The following C12orf42 variants were observed in gnomAD, a reference collection of about 807,000 sequenced individuals.
C12orf42 encodes the protein uncharacterized protein C12orf42.
A neutral mutation model predicts 21.6 loss-of-function variants in C12orf42; 25 were observed. That is an observed-to-expected ratio of 1.16 (90% confidence interval 0.84 to 1.62). The LOEUF is 1.62. Ranked by LOEUF, C12orf42 falls within the 40% of genes most tolerant of loss-of-function variation. The probability of loss-of-function intolerance (pLI) is 0.00; values close to 1 mark genes in which losing one functional copy is unlikely to be tolerated. For synonymous variants in C12orf42, 174 were observed against 175.0 expected (o/e 0.99, Z 0.05); for missense variants, 483 against 459.3 (o/e 1.05, Z -0.47).
chr12:103,093,100 C>T, the C12orf42 span, among the ~76,000 whole-genome samples: 1 of 152,156 alleles, frequency 6.6e-6, no homozygotes, highest in Admixed American at 6.5e-5. Context: ...CCCATGATTC[C>T]TACTATTTCC....
At chr12:103,055,629 T>C in the C12orf42 span, among the ~76,000 whole-genome samples, 2 of 152,030 alleles carry the variant, frequency 1.3e-5, no homozygotes, top group Non-Finnish European at 2.9e-5. Flanking sequence ...CTATAGATTC[T>C]TTAGGATGAC....
intron 2 of C12orf42, among the ~76,000 whole-genome samples, chr12:103,441,277 T>C (rs892397170): frequency 2.0e-5 from 3 of 152,186 alleles, no homozygotes; most frequent in African/African-American, 7.2e-5. Flanking sequence ...ATCTCATGAT[T>C]TAATGCCACT....
intron 3 of C12orf42, among the ~76,000 whole-genome samples, chr12:103,395,276 G>A (rs2047422089): frequency 6.6e-6 from 1 of 151,628 alleles, no homozygotes; most frequent in Admixed American, 6.6e-5. Flanking sequence ...CAAGAAGTTG[G>A]CCACAATATT....
intron 3 of C12orf42, among the ~76,000 whole-genome samples, chr12:103,394,748 T>C (rs2047373474): frequency 6.6e-6 from 1 of 151,880 alleles, no homozygotes; most frequent in African/African-American, 2.4e-5. Flanking sequence ...ACAGATGGGG[T>C]CGCTTTCCAT....
At chr12:103,359,969 T>C (rs2043938356) in intron 4 of C12orf42, among the ~76,000 whole-genome samples, 1 of 151,608 alleles carries the variant, frequency 6.6e-6, no homozygotes, top group Non-Finnish European at 1.5e-5. Flanking sequence ...ACCTCCTAAG[T>C]AGTTCTCCTA....
In C12orf42 at chr12:103,303,699, C is replaced by T. The variant is rs139972612; in HGVS notation, c.632-1140G>A. On this transcript the variant is annotated intron_variant, in intron 5 of 5. Coordinates refer to ENST00000548883, the MANE Select transcript of C12orf42 (RefSeq NM_198521.5). ...TGCCTAGTATGTACTGAGCACCTCCCTCTGCACATTCCACATGCCCAAGTC... is the reference window on the plus strand; with the variant it reads ...TGCCTAGTATGTACTGAGCACCTCCTTCTGCACATTCCACATGCCCAAGTC... Among the ~76,000 whole-genome samples the T allele has an allele frequency of 2.5e-3, 378 of 152,284 alleles. 3 individuals are homozygous for T. Among genetic ancestry groups the T allele is most frequent in the African/African-American group, 8.7e-3 (360 of 41,552 alleles).
At chr12:103,294,263 T>C (rs565340425) in intron 4 of C12orf42, among the ~76,000 whole-genome samples, 1 of 151,164 alleles carries the variant, frequency 6.6e-6, no homozygotes, top group South Asian at 2.1e-4. Context: ...TCAATATCAC[T>C]GACTTACAAA....
the C12orf42 span, among the ~76,000 whole-genome samples, chr12:103,093,075 G>A: frequency 1.3e-5 from 2 of 152,092 alleles, no homozygotes; most frequent in South Asian, 4.1e-4. Flanking sequence ...TTTCTTCTTA[G>A]CATTTCTATC....
At chr12:103,257,621 G>A (rs1484249791) in intron 10 of C12orf42, among the ~76,000 whole-genome samples, 1 of 151,716 alleles carries the variant, frequency 6.6e-6, no homozygotes, top group African/African-American at 2.4e-5. Flanking sequence ...ATACAGTGTG[G>A]AAAACACATA....
chr12:103,426,872 A>G (rs1949855283), intron 2 of C12orf42, among the ~76,000 whole-genome samples: 2 of 152,222 alleles, frequency 1.3e-5, no homozygotes, highest in Non-Finnish European at 2.9e-5. Context: ...TTCATAAGTG[A>G]AGGAGAAATG....
chr12:103,078,226 C>A, the C12orf42 span, among the ~76,000 whole-genome samples: 1 of 152,154 alleles, frequency 6.6e-6, no homozygotes, highest in Admixed American at 6.6e-5. Context: ...TCCTCACCAT[C>A]TTAATAATTG....
the C12orf42 span, among the ~76,000 whole-genome samples, chr12:103,125,828 A>G: frequency 6.6e-6 from 1 of 152,186 alleles, no homozygotes; most frequent in Non-Finnish European, 1.5e-5. Flanking sequence ...CTGGAAAAGA[A>G]TGTCTTCACC....
the C12orf42 span, among the ~76,000 whole-genome samples, chr12:103,089,655 T>G: frequency 7.1e-6 from 1 of 140,440 alleles, no homozygotes; most frequent in African/African-American, 2.7e-5. Context: ...GTGTGTGTGT[T>G]AAAGATTCCC....
At chr12:103,085,676 C>T in the C12orf42 span, among the ~76,000 whole-genome samples, 1 of 152,080 alleles carries the variant, frequency 6.6e-6, no homozygotes, top group African/African-American at 2.4e-5. Context: ...TCTAACCGTG[C>T]CATTCATTTA....
chr12:103,056,391 C>A, the C12orf42 span, among the ~76,000 whole-genome samples: 2 of 152,162 alleles, frequency 1.3e-5, no homozygotes, highest in Admixed American at 1.3e-4. Flanking sequence ...TTCTTTGCCT[C>A]TAGTTTTTAG....
chr12:103,295,255 C>T (rs2037176472), intron 4 of C12orf42, among the ~76,000 whole-genome samples: 1 of 152,114 alleles, frequency 6.6e-6, no homozygotes, highest in African/African-American at 2.4e-5. Context: ...ATTACCTCAT[C>T]CCTTCCCTTG....
At chr12:103,182,750 T>A in the C12orf42 span, among the ~76,000 whole-genome samples, 3 of 152,168 alleles carry the variant, frequency 2.0e-5, no homozygotes, top group Admixed American at 2.0e-4. Context: ...CAACAGAACC[T>A]CAAAATATGT....
the C12orf42 span, among the ~76,000 whole-genome samples, chr12:103,094,318 C>T: frequency 6.6e-6 from 1 of 152,132 alleles, no homozygotes; most frequent in Non-Finnish European, 1.5e-5. Flanking sequence ...AGTTCAAATC[C>T]CATTTATGGC....
At chr12:103,294,427 A>AAAG (rs1303015258) in intron 4 of C12orf42, among the ~76,000 whole-genome samples, 1,201 of 112,366 alleles carry the variant, frequency 0.011, 16 homozygotes, top group African/African-American at 0.032. Flanking sequence ...GAAAGGAGAG[A>AAAG]GAGAAAGAAA....
Sources: allele counts gnomAD v4.1 joint callset (sites outside exome capture counted in the v4.1 genomes callset), GRCh38; gene constraint gnomAD v4.1.1; transcripts MANE v1.5; gene names NCBI Gene and HGNC (gene_info 2026-07-23, HGNC 2026-07-21).